TMC5: variants seen among roughly 807,000 people sequenced by gnomAD.
The protein encoded by TMC5 is transmembrane channel-like protein 5.
A neutral mutation model predicts 110.5 loss-of-function variants in TMC5; 86 were observed. The observed-to-expected ratio is 0.78, with a 90% confidence interval of 0.65 to 0.93. The LOEUF is 0.93. TMC5 is among the 40% of genes least tolerant of loss of function. The pLI is 0.00. For synonymous variants in TMC5, 455 were observed against 439.5 expected, an observed-to-expected ratio of 1.04 and a Z score of -0.44; for missense variants, 1,144 against 1,222.8, an observed-to-expected ratio of 0.94 and a Z score of 0.96.
At chr16:19,445,882 GCACACACCTGGGGTCC>G (rs1358252036) in intron 4 of TMC5, among the ~76,000 whole-genome samples, 3 of 151,914 alleles carry the variant, frequency 2.0e-5, no homozygotes, top group Admixed American at 6.6e-5. Context: ...GGGCGTGGTG[GCACACACCTGGGGTCC>G]CAGCTACTTG....
At chr16:19,437,886 C>G (rs1967382273) in intron 2 of TMC5, among the ~76,000 whole-genome samples, 1 of 152,114 alleles carries the variant, frequency 6.6e-6, no homozygotes, top group Non-Finnish European at 1.5e-5. Context: ...CACCTCTTTC[C>G]CAGTAAGCCT....
intron 15 of TMC5, among the ~76,000 whole-genome samples, chr16:19,483,245 C>G (rs1006898864): frequency 1.3e-5 from 2 of 152,188 alleles, no homozygotes; most frequent in African/African-American, 4.8e-5. Flanking sequence ...GCAGCCTCAA[C>G]CTCCTGAGCT....
Position 19,472,544 on chromosome 16 carries a change from C to T in TMC5, c.1938+301C>T, listed in dbSNP as rs73540138. ...AATTAGCCTGTCACGGTGGTGTGCACCTGTAGTTCTGGCTACAGTGGTGGT... is the reference window on the plus strand; with the variant it reads ...AATTAGCCTGTCACGGTGGTGTGCATCTGTAGTTCTGGCTACAGTGGTGGT... On this transcript the variant is annotated intron_variant, in intron 11 of 21. Coordinates refer to ENST00000542583, the MANE Select transcript of TMC5 (RefSeq NM_001261841.2). Among the ~76,000 whole-genome samples the T allele has an allele frequency of 5.4e-3, 818 of 152,228 alleles. 8 individuals are homozygous for T. The highest frequency in any genetic ancestry group is 0.018 in the African/African-American group (757 of 41,552).
chr16:19,414,870 A>AC (rs879130943), upstream of TMC5, among the ~76,000 whole-genome samples: 2 of 151,362 alleles, frequency 1.3e-5, no homozygotes, highest in African/African-American at 4.9e-5. Context: ...ACATAGGGAG[A>AC]CCCCATCTTG....
intron 1 of TMC5, among the ~76,000 whole-genome samples, chr16:19,425,987 A>G (rs1231173955): frequency 1.3e-5 from 2 of 152,140 alleles, no homozygotes; most frequent in African/African-American, 2.4e-5. Context: ...GCACCCAGCC[A>G]ATAGCACCTA....
Position 19,475,248 on chromosome 16 carries a change from C to T in TMC5, c.2090+972C>T, listed in dbSNP as rs535025229. On this transcript the variant is annotated intron_variant, in intron 12 of 21. Transcript: ENST00000542583. ...ACCAGCCTGGCCAACATGGTGAAACCCCGTCTTTACTAAAAATACAAAAAT... is the reference window on the plus strand; with the variant it reads ...ACCAGCCTGGCCAACATGGTGAAACTCCGTCTTTACTAAAAATACAAAAAT... Among the ~76,000 whole-genome samples, 6 of 152,230 alleles carry T rather than the reference C, an allele frequency of 3.9e-5. No homozygotes were observed. The East Asian group carries it at 1.2e-3, about 29-fold the overall frequency.
chr16:19,434,497 G>GATATAT (rs377209237), intron 2 of TMC5, among the ~76,000 whole-genome samples: 10,756 of 124,544 alleles, frequency 0.086, 863 homozygotes, highest in South Asian at 0.14. Flanking sequence ...GATAGATATA[G>GATATAT]AGAGAGAGAG....
At chr16:19,455,010 C>T (rs766155858) in intron 5 of TMC5, among the ~76,000 whole-genome samples, 14 of 151,930 alleles carry the variant, frequency 9.2e-5, no homozygotes, top group Non-Finnish European at 1.9e-4. Flanking sequence ...GGTGGTGCCC[C>T]TGTGGTCCCA....
chr16:19,444,259 T>G lies in TMC5; in HGVS notation c.958+9T>G, dbSNP rs1228010041. The G allele has an allele frequency of 1.8e-5, 29 of 1,613,022 alleles. No homozygotes were observed. Among genetic ancestry groups the G allele is most frequent in the Non-Finnish European group, 2.5e-5 (29 of 1,179,724 alleles). ...TCCTGGAAGTGGCTATGGTAAGCATTTGTTAAGCCAGGATCATATCCTGGG... is the reference window on the plus strand; with the variant it reads ...TCCTGGAAGTGGCTATGGTAAGCATGTGTTAAGCCAGGATCATATCCTGGG... On this transcript the variant is annotated intron_variant, in intron 4 of 21. Coordinates refer to ENST00000542583, the MANE Select transcript of TMC5 (RefSeq NM_001261841.2).
At chr16:19,489,212 C>T (rs1006997703) in intron 17 of TMC5, among the ~76,000 whole-genome samples, 4 of 152,248 alleles carry the variant, frequency 2.6e-5, no homozygotes, top group African/African-American at 9.6e-5. Flanking sequence ...TGCTCTGCCA[C>T]CCAGGCAGGA....
chr16:19,414,007 C>T (rs781302521), upstream of TMC5, among the ~76,000 whole-genome samples: 12 of 152,224 alleles, frequency 7.9e-5, no homozygotes, highest in Non-Finnish European at 1.6e-4. Context: ...TGGCCACTTA[C>T]GTATTACAAT....
At chr16:19,457,563 A>G (rs1355869597) in intron 5 of TMC5, among the ~76,000 whole-genome samples, 3 of 151,942 alleles carry the variant, frequency 2.0e-5, no homozygotes, top group African/African-American at 2.4e-5. Flanking sequence ...TTTGTTATCC[A>G]TCGAATTTTT....
chr16:19,450,671 T>C (rs1447336799), intron 5 of TMC5, among the ~76,000 whole-genome samples: 2 of 152,114 alleles, frequency 1.3e-5, no homozygotes, highest in African/African-American at 4.8e-5. Flanking sequence ...TGGGTCCATC[T>C]CTAATGCGGG....
intron 19 of TMC5, among the ~76,000 whole-genome samples, chr16:19,492,515 G>A (rs1035462930): frequency 2.0e-5 from 3 of 151,858 alleles, no homozygotes; most frequent in African/African-American, 4.8e-5. Flanking sequence ...GTGCAATCTC[G>A]GCTCACGGCA....
At chr16:19,448,653 T>G (rs1000076011) in intron 4 of TMC5, among the ~76,000 whole-genome samples, 9 of 141,582 alleles carry the variant, frequency 6.4e-5, no homozygotes, top group Non-Finnish European at 1.1e-4. Context: ...TAATGTAATT[T>G]TTTATATTAT....
At chr16:19,438,435 G>GAGAAAGAAGAAAGAAAGAAAGAA (rs1967403672) in intron 2 of TMC5, among the ~76,000 whole-genome samples, 1 of 103,920 alleles carries the variant, frequency 9.6e-6, no homozygotes, top group Admixed American at 1.0e-4. Context: ...AAGAAAGAAA[G>GAGAAAGAAGAAAGAAAGAAAGAA]AGAAAGAAAG....
intron 2 of TMC5, among the ~76,000 whole-genome samples, chr16:19,434,376 C>CTATAATATATATTATATGATCTATATTA (rs1967286273): frequency 2.0e-5 from 1 of 51,138 alleles, no homozygotes; most frequent in Non-Finnish European, 3.4e-5. Flanking sequence ...TAATATAGAT[C>CTATAATATATATTATATGATCTATATTA]TATATATAAT....
At chr16:19,420,198 G>A (rs1258882056) in intron 1 of TMC5, among the ~76,000 whole-genome samples, 1 of 152,094 alleles carries the variant, frequency 6.6e-6, no homozygotes, top group Non-Finnish European at 1.5e-5. Context: ...AGGCCAAGGA[G>A]GGCAGATCAC....
At chr16:19,465,515 C>T (rs1165521462) in intron 8 of TMC5, among the ~76,000 whole-genome samples, 7 of 151,904 alleles carry the variant, frequency 4.6e-5, no homozygotes, top group South Asian at 2.1e-4. Flanking sequence ...AGTGACAGAG[C>T]GAGACTCCAT....
Sources: allele counts gnomAD v4.1 joint callset (sites outside exome capture counted in the v4.1 genomes callset), GRCh38; gene constraint gnomAD v4.1.1; transcripts MANE v1.5; gene names NCBI Gene and HGNC (gene_info 2026-07-23, HGNC 2026-07-21).